Variants in FBN1 observed in about 807,000 individuals in gnomAD.
FBN1 encodes fibrillin-1.
FBN1 carries 29 observed loss-of-function variants against 365.1 expected under a neutral mutation model. The observed-to-expected ratio is 0.08, with a 90% confidence interval of 0.06 to 0.11. The LOEUF is 0.11. Ranked by LOEUF, FBN1 falls within the 10% of genes least tolerant of loss-of-function variation. The pLI is 1.00. For missense variants in FBN1, 2,476 were observed against 3,703.2 expected (o/e 0.67, Z 8.60); for synonymous variants, 1,210 against 1,270.5 (o/e 0.95, Z 1.01).
rs2043798918 is a variant in FBN1 at position 48,516,193 on chromosome 15, C to T, written c.1317G>A (p.Arg439=). 1.2e-6 allele frequency: 2 copies of T among 1,613,318 alleles called. No individual in the cohort carries two copies. The highest frequency in any genetic ancestry group is 1.7e-5 in the Admixed American group (1 of 59,956). Residue 439 remains arginine, a synonymous_variant, in exon 11 of 66, where the codon CGG becomes CGA. Coordinates refer to ENST00000316623, the MANE Select transcript of FBN1 (RefSeq NM_000138.5). ...RPPVEYLYPS[R]EPPRVLPVNV... ...TTTTTGAATTCTTACTTGGTGGCTC[C>T]CGAGATGGATACAGATATTCCACTG...
At chr15:48,643,487 T>C (rs1476558496) in intron 2 of FBN1, 2 of 152,194 alleles carry the variant, frequency 1.3e-5, no homozygotes, top group African/African-American at 4.8e-5. Flanking sequence ...TCTTCTCATA[T>C]CTGGGCCATA....
Position 48,533,509 on chromosome 15 carries a change from A to G in FBN1, c.862+571T>C, listed in dbSNP as rs1278818182. On this transcript the variant is annotated intron_variant, in intron 8 of 65. Transcript: ENST00000316623. ...ATATATATTTGTAGAAGTTCAATCT[A>G]TAAACTAAATGTAAATATAAAAATT... Among the ~76,000 whole-genome samples the G allele has an allele frequency of 5.8e-4, 89 of 152,238 alleles. 1 individual carries two copies. The highest frequency in any genetic ancestry group is 8.8e-5 in the Non-Finnish European group (6 of 68,034).
At chr15:48,457,783 C>G (rs190367366) in intron 43 of FBN1, among the ~76,000 whole-genome samples, 1 of 152,114 alleles carries the variant, frequency 6.6e-6, no homozygotes, top group Non-Finnish European at 1.5e-5. Flanking sequence ...ATGAGATGGT[C>G]TCGGTACTAT....
chr15:48,520,701 C>T lies in FBN1; in HGVS notation c.1105G>A (p.Gly369Arg). The change falls in exon 10 of 66, where the codon GGG (glycine) becomes AGG (arginine). Residue 369 changes from glycine (G) to arginine (R), a missense_variant. Around this residue, in one of 5 missense-constraint regions of FBN1, gnomAD observed 421 missense variants for 520.1 expected, o/e 0.81. Coordinates refer to ENST00000316623, the MANE Select transcript of FBN1 (RefSeq NM_000138.5). ...CACATCTCAGGGGCGACAGTGACCC[C>T]TGGAGACCAGCATCGGCCGGCATCA... ...CCDAGRCWSPGVTVAPEMCPI... is the reference protein window; with the variant it reads ...CCDAGRCWSPRVTVAPEMCPI... The T allele has an allele frequency of 6.2e-7, 1 of 1,614,130 alleles. No individual in the cohort carries two copies. Among genetic ancestry groups the T allele is most frequent in the Non-Finnish European group, 8.5e-7 (1 of 1,180,028 alleles).
intron 25 of FBN1, among the ~76,000 whole-genome samples, chr15:48,488,936 G>A (rs1018540977): frequency 1.3e-5 from 2 of 151,998 alleles, no homozygotes; most frequent in African/African-American, 4.8e-5. Context: ...TTTTGGATAT[G>A]CCAAAAATAT....
In FBN1 at chr15:48,520,717, G is replaced by A; in HGVS notation, c.1089C>T (p.Gly363=). 1.2e-6 allele frequency: 2 copies of A among 1,614,168 alleles called. No individual in the cohort carries two copies. The highest frequency in any genetic ancestry group is 1.7e-6 in the Non-Finnish European group (2 of 1,180,042). ...ITKMQCCCDA[G]RCWSPGVTVA... ...CAGTGACCCCTGGAGACCAGCATCG[G>A]CCGGCATCACAGCAGCACTGCATTT... is the stretch of plus-strand genomic sequence containing the variant. The change falls in exon 10 of 66, where the codon GGC becomes GGT. Residue 363 remains glycine (G), a synonymous_variant. Transcript: ENST00000316623.
chr15:48,467,472 T>C (rs1290877712), intron 38 of FBN1, among the ~76,000 whole-genome samples: 1 of 152,220 alleles, frequency 6.6e-6, no homozygotes, highest in East Asian at 1.9e-4. Flanking sequence ...AGTTTGTATG[T>C]CCTTACAATC....
At chr15:48,579,914 G>C (rs1388854640) in intron 6 of FBN1, among the ~76,000 whole-genome samples, 2 of 152,108 alleles carry the variant, frequency 1.3e-5, no homozygotes, top group East Asian at 3.8e-4. Flanking sequence ...GTTAACAAAG[G>C]AGTCTATTAA....
In FBN1 at chr15:48,456,766, G is replaced by A; in HGVS notation, c.5297-4C>T. 2 of 1,612,930 alleles carry A rather than the reference G, an allele frequency of 1.2e-6. No homozygotes were observed. Among genetic ancestry groups the A allele is most frequent in the Non-Finnish European group, 1.7e-6 (2 of 1,179,570 alleles). On this transcript the variant is annotated splice_polypyrimidine_tract_variant and splice_region_variant and intron_variant, in intron 43 of 65. Transcript: ENST00000316623. The stretch of plus-strand genomic sequence containing the variant: ...ATCTCCCGGCACTCATCAATATCTA[G>A]AGACAGAGTAGTCATTCATGAGTGA...
intron 50 of FBN1, among the ~76,000 whole-genome samples, 180 bp downstream of exon 50, chr15:48,441,540 GT>G (rs1162137956): frequency 3.3e-5 from 5 of 152,168 alleles, no homozygotes; most frequent in Non-Finnish European, 7.4e-5. Flanking sequence ...TGATGGATGA[GT>G]TTTTAACCTT....
At chr15:48,453,291 A>C (rs2043215254) in intron 44 of FBN1, among the ~76,000 whole-genome samples, 1 of 74,490 alleles carries the variant, frequency 1.3e-5, no homozygotes, top group South Asian at 6.6e-4. Context: ...AAAATAAAAC[A>C]AACAAAAAAA....
chr15:48,500,383 A>G (rs1446302366), intron 17 of FBN1, among the ~76,000 whole-genome samples: 1 of 152,180 alleles, frequency 6.6e-6, no homozygotes, highest in African/African-American at 2.4e-5. Flanking sequence ...AGTGAGTTCA[A>G]ATAAGCATGG....
chr15:48,490,003 A>C lies in FBN1; in HGVS notation c.2930T>G (p.Met977Arg), dbSNP rs199682686. The C allele has an allele frequency of 3.2e-5, 52 of 1,614,004 alleles. No homozygotes were observed. The Middle Eastern group carries it at 9.9e-4, about 31-fold the overall frequency. Reference sequence around the variant, plus strand: ...CCCGACGGAGCAGCAGCAGGCGTCCATGCGGTGGCGGCCAGCAATAGGCAG... The same window carrying C: ...CCCGACGGAGCAGCAGCAGGCGTCCCTGCGGTGGCGGCCAGCAATAGGCAG... ...CTLPIAGRHR[M>R]DACCCSVGAA... is the part of the protein sequence containing the mutation. Residue 977 changes from methionine to arginine, a missense_variant, in exon 25 of 66, where the codon ATG becomes AGG. Met to Arg is a moderately conservative substitution (Grantham distance 91, BLOSUM62 -1). Around this residue, in one of 5 missense-constraint regions of FBN1, gnomAD observed 1,780 missense variants for 2,840.8 expected, o/e 0.63. Coordinates refer to ENST00000316623, the MANE Select transcript of FBN1 (RefSeq NM_000138.5).
Position 48,487,344 on chromosome 15 carries a change from T to C in FBN1, c.3431A>G (p.His1144Arg). The change falls in exon 28 of 66, where the codon CAT becomes CGT. Residue 1144 changes from histidine to arginine, a missense_variant. Coordinates refer to ENST00000316623, the MANE Select transcript of FBN1 (RefSeq NM_000138.5). ...CGCGGAGATGTTGGGGGACAGCTGA[T>C]GGCCAGGCGGGCATTCACAGCGGTA... ...GSYRCECPPGHQLSPNISACI... is the reference protein window; with the variant it reads ...GSYRCECPPGRQLSPNISACI... 5 of 1,614,238 alleles carry C rather than the reference T, an allele frequency of 3.1e-6. No homozygotes were observed. Among genetic ancestry groups the C allele is most frequent in the Non-Finnish European group, 4.2e-6 (5 of 1,180,044 alleles).
intron 45 of FBN1, among the ~76,000 whole-genome samples, chr15:48,449,531 G>A (rs1222687205): frequency 6.6e-6 from 1 of 152,048 alleles, no homozygotes; most frequent in Non-Finnish European, 1.5e-5. Flanking sequence ...TCTTGCTTCT[G>A]CCAGTCTTTA....
intron 2 of FBN1, among the ~76,000 whole-genome samples, chr15:48,636,690 C>T (rs2140773497): frequency 6.6e-6 from 1 of 152,252 alleles, no homozygotes; most frequent in East Asian, 1.9e-4. Flanking sequence ...TTAGATAAAC[C>T]ACACCCAAGT....
intron 48 of FBN1, 46 bp from the exon 49 acceptor site, chr15:48,444,706 ACTTCCATCAAACAATT>A: frequency 6.2e-7 from 1 of 1,607,166 alleles, no homozygotes; most frequent in South Asian, 1.1e-5. Context: ...CACTGGCATG[ACTTCCATCAAACAATT>A]AAAATTCAAA....
At position 48,526,272 on chromosome 15, in the gene FBN1, A is replaced by G. The variant is rs767676039; in HGVS notation, c.863-17T>C. On this transcript the variant is annotated splice_polypyrimidine_tract_variant and intron_variant, in intron 8 of 65. Transcript: ENST00000316623. ...CATCAATATCTGGAATATAAAAAAA[A>G]GAATCTCAGCATTTGTAGAACACAA... The G allele has an allele frequency of 6.2e-7, 1 of 1,613,688 alleles. No individual in the cohort carries two copies. Among genetic ancestry groups the G allele is most frequent in the Non-Finnish European group, 8.5e-7 (1 of 1,179,748 alleles).
intron 36 of FBN1, 126 bp downstream of exon 36, chr15:48,470,508 T>G: frequency 7.7e-7 from 1 of 1,296,048 alleles, no homozygotes; most frequent in Non-Finnish European, 1.1e-6. Context: ...GTATCTGTGA[T>G]TCTTAATACT....
Sources: gnomAD v4.1 joint callset for allele counts (sites outside exome capture counted in the v4.1 genomes callset) on GRCh38, gnomAD v4.1.1 for gene constraint, gnomAD v4.1.1 regional missense constraint, MANE v1.5 for transcripts, NCBI Gene and HGNC (gene_info 2026-07-23, HGNC 2026-07-21) for gene names.